The following GRIN2A variants were observed in gnomAD, a reference collection of about 807,000 sequenced individuals.
The protein encoded by GRIN2A is glutamate receptor ionotropic, NMDA 2A.
GRIN2A carries 22 observed loss-of-function variants against 113.4 expected under a neutral mutation model. That is an observed-to-expected ratio of 0.19 (90% CI 0.14 to 0.28). GRIN2A has a LOEUF of 0.28. GRIN2A is among the 10% of genes least tolerant of loss of function. The pLI, the probability that GRIN2A is intolerant of heterozygous loss-of-function variation, is 1.00. For missense variants in GRIN2A, 1,502 were observed against 1,887.0 expected (o/e 0.80, Z 3.78); for synonymous variants, 827 against 738.4 (o/e 1.12, Z -1.94).
chr16:10,057,651 C>A (rs2047478468), intron 2 of GRIN2A, among the ~76,000 whole-genome samples: 1 of 151,588 alleles, frequency 6.6e-6, no homozygotes, highest in Non-Finnish European at 1.5e-5. Context: ...AAAAAAAAAT[C>A]ACTTCCCAAA....
At chr16:10,135,587 G>C (rs567426551) in intron 2 of GRIN2A, among the ~76,000 whole-genome samples, 3 of 152,232 alleles carry the variant, frequency 2.0e-5, no homozygotes, top group African/African-American at 7.2e-5. Flanking sequence ...ATTATTGAGG[G>C]TTCAATTAAA....
intron 9 of GRIN2A, among the ~76,000 whole-genome samples, chr16:9,825,027 T>C (rs749399927): frequency 6.6e-6 from 1 of 151,926 alleles, no homozygotes; most frequent in Non-Finnish European, 1.5e-5. Context: ...AAGGAAGGGG[T>C]AGGACAGAGG....
chr16:9,929,739 A>T (rs550620370), intron 3 of GRIN2A, among the ~76,000 whole-genome samples: 1 of 152,338 alleles, frequency 6.6e-6, no homozygotes, highest in Non-Finnish European at 1.5e-5. Context: ...CTAAATTTCA[A>T]AATGAAAACT....
chr16:9,754,893 C>A lies in GRIN2A; in HGVS notation c.*8256G>T, dbSNP rs145933964. 4.5e-6 allele frequency: 1 copy of A among 223,736 alleles called. No homozygotes were observed. Among genetic ancestry groups the A allele is most frequent in the East Asian group, 6.5e-5 (1 of 15,414 alleles). 13.9% of individuals were successfully genotyped at this position (223,736 alleles called of 1,614,324 possible). ...AACTTGAAACAGCAAAATGTCAGATCAATGGGAAGCATTTAAAATGCCAAA... is the reference window on the plus strand; with the variant it reads ...AACTTGAAACAGCAAAATGTCAGATAAATGGGAAGCATTTAAAATGCCAAA... On this transcript the variant is annotated 3_prime_UTR_variant, in exon 13 of 13. Transcript: ENST00000330684.
intron 7 of GRIN2A, among the ~76,000 whole-genome samples, chr16:9,839,890 A>G (rs187066985): frequency 1.3e-5 from 2 of 152,266 alleles, no homozygotes; most frequent in Admixed American, 6.5e-5. Context: ...TGCTATAAAG[A>G]ACTGCCCGAG....
intron 11 of GRIN2A, among the ~76,000 whole-genome samples, chr16:9,788,784 C>T (rs541896747): frequency 6.8e-6 from 1 of 147,228 alleles, no homozygotes; most frequent in East Asian, 2.0e-4. Flanking sequence ...ATTTTGTTGC[C>T]CAGGCTAGAG....
At chr16:10,167,452 C>A (rs1477143918) in intron 2 of GRIN2A, among the ~76,000 whole-genome samples, 1 of 152,034 alleles carries the variant, frequency 6.6e-6, no homozygotes, top group African/African-American at 2.4e-5. Flanking sequence ...AACAATTAAC[C>A]TTTTTCAAGT....
chr16:9,786,581 T>C (rs925766119), intron 11 of GRIN2A, among the ~76,000 whole-genome samples: 123 of 152,148 alleles, frequency 8.1e-4, no homozygotes, highest in African/African-American at 2.9e-3. Flanking sequence ...CCTACCTGTG[T>C]TTAAATCACA....
In GRIN2A at chr16:9,764,761, C is replaced by A. The variant is rs2141137106; in HGVS notation, c.2783G>T (p.Gly928Val). ...PKRAADFIQR[G>V]SLIMDMVSDK... ...TGAAACCATGTCCATGATGAGGGAA[C>A]CTCTTTGGATGAAGTCAGCAGCTCT... The change falls in exon 13 of 13, where the codon GGT becomes GTT. Residue 928 changes from glycine to valine, a missense_variant. Physicochemically the swap from Gly to Val is moderately radical, Grantham distance 109. This residue lies in a region of GRIN2A where 832 missense variants were observed against 789.7 expected (regional missense o/e 1.05). Coordinates refer to ENST00000330684, the MANE Select transcript of GRIN2A (RefSeq NM_001134407.3). 6.2e-7 allele frequency: 1 copy of A among 1,614,186 alleles called. No individual in the cohort carries two copies. Among genetic ancestry groups the A allele is most frequent in the Non-Finnish European group, 8.5e-7 (1 of 1,179,994 alleles).
chr16:10,039,808 G>GGGAGGGAGAGAGAGAGAGAGA (rs1555469298), intron 2 of GRIN2A, among the ~76,000 whole-genome samples: 1 of 63,812 alleles, frequency 1.6e-5, no homozygotes, highest in African/African-American at 7.8e-5. Flanking sequence ...GGGAGGGGGG[G>GGGAGGGAGAGAGAGAGAGAGA]GAGAAAGAGA....
At chr16:10,119,394 AT>A (rs71402431) in intron 2 of GRIN2A, among the ~76,000 whole-genome samples, 128,091 of 151,960 alleles carry the variant, frequency 0.84, 54,798 homozygotes, top group East Asian at 0.92. Flanking sequence ...AGTTGTTTTC[AT>A]GCTTAATATT....
At chr16:10,039,780 G>GGGAGAGGGAGAT (rs2047109978) in intron 2 of GRIN2A, among the ~76,000 whole-genome samples, 1 of 91,544 alleles carries the variant, frequency 1.1e-5, no homozygotes, top group Non-Finnish European at 2.3e-5. Context: ...GAGAGGGAGG[G>GGGAGAGGGAGAT]GGAGGGGGAG....
chr16:10,009,279 T>C (rs746553662), intron 2 of GRIN2A, among the ~76,000 whole-genome samples: 1 of 152,222 alleles, frequency 6.6e-6, no homozygotes, highest in Non-Finnish European at 1.5e-5. Flanking sequence ...TGTAATCCCA[T>C]GTGGGTATTG....
At chr16:9,903,754 T>C (rs2043978600) in intron 3 of GRIN2A, among the ~76,000 whole-genome samples, 1 of 152,230 alleles carries the variant, frequency 6.6e-6, no homozygotes, top group Admixed American at 6.5e-5. Context: ...AGAGGGCACC[T>C]TCTTTATTTA....
intron 5 of GRIN2A, among the ~76,000 whole-genome samples, chr16:9,845,323 G>T (rs1032206064): frequency 6.6e-6 from 1 of 152,160 alleles, no homozygotes; most frequent in Non-Finnish European, 1.5e-5. Context: ...AGTACTTGGG[G>T]ATCTACTTGT....
chr16:9,976,215 A>T (rs113197366), intron 2 of GRIN2A, among the ~76,000 whole-genome samples: 78 of 152,292 alleles, frequency 5.1e-4, no homozygotes, highest in Non-Finnish European at 8.8e-4. Flanking sequence ...AAAGCAAACC[A>T]TATCATTAAA....
At chr16:10,035,995 A>T (rs1333389436) in intron 2 of GRIN2A, among the ~76,000 whole-genome samples, 1 of 152,184 alleles carries the variant, frequency 6.6e-6, no homozygotes, top group Non-Finnish European at 1.5e-5. Flanking sequence ...AAGTGGTGGG[A>T]TTACAGGCGT....
At chr16:10,016,687 C>G (rs548048295) in intron 2 of GRIN2A, among the ~76,000 whole-genome samples, 2 of 152,316 alleles carry the variant, frequency 1.3e-5, no homozygotes, top group South Asian at 4.2e-4. Context: ...TTCTCTCCCC[C>G]ACTGGGTGAT....
intron 4 of GRIN2A, among the ~76,000 whole-genome samples, chr16:9,863,752 A>G (rs1026371078): frequency 3.3e-5 from 5 of 152,218 alleles, no homozygotes; most frequent in African/African-American, 1.2e-4. Flanking sequence ...GGAGGATTTC[A>G]TCTTCATTCT....
Sources: allele counts gnomAD v4.1 joint callset (sites outside exome capture counted in the v4.1 genomes callset), GRCh38; gene constraint gnomAD v4.1.1; regional missense constraint gnomAD v4.1.1; transcripts MANE v1.5; gene names NCBI Gene and HGNC (gene_info 2026-07-23, HGNC 2026-07-21).